The following EDAR variants were observed in gnomAD, a reference collection of about 807,000 sequenced individuals.
The protein encoded by EDAR is ectodysplasin A receptor.
Under a neutral mutation model 51.3 loss-of-function variants are expected in EDAR, and 38 were observed. The ratio of observed to expected loss-of-function variants is 0.74; its 90% confidence interval spans 0.57 to 0.97. The LOEUF (loss-of-function observed/expected upper bound fraction) is 0.97, where lower values mean the gene tolerates loss of function less well. Among genes scored for constraint, EDAR ranks in the 50% least tolerant of loss-of-function variants. The pLI, the probability that EDAR is intolerant of heterozygous loss-of-function variation, is 0.00. For missense variants in EDAR, 528 were observed against 595.0 expected (o/e 0.89, Z 1.17); for synonymous variants, 227 against 242.1 (o/e 0.94, Z 0.58).
chr2:108,909,320 C>T (rs537743840), intron 9 of EDAR, among the ~76,000 whole-genome samples: 1 of 152,092 alleles, frequency 6.6e-6, no homozygotes, highest in Admixed American at 6.5e-5. Context: ...TCTAGGGAGG[C>T]CCTATTTAAG....
chr2:108,909,814 TCTC>T (rs1696883056), intron 9 of EDAR, among the ~76,000 whole-genome samples: 1 of 152,200 alleles, frequency 6.6e-6, no homozygotes, highest in Non-Finnish European at 1.5e-5. Flanking sequence ...ACCTGCCAAA[TCTC>T]CTCCTCCAGA....
intron 1 of EDAR, among the ~76,000 whole-genome samples, chr2:108,971,768 T>C (rs1698238166): frequency 6.6e-6 from 1 of 152,214 alleles, no homozygotes; most frequent in African/African-American, 2.4e-5. Flanking sequence ...AACTCTTTGA[T>C]ACCACCTTCA....
chr2:108,929,440 G>C (rs1426813025), intron 3 of EDAR, 61 bp from the exon 4 acceptor site: 1 of 1,553,968 alleles, frequency 6.4e-7, no homozygotes, highest in East Asian at 2.2e-5. Flanking sequence ...ATACGGACTC[G>C]GCCCACAGTC....
At chr2:108,965,903 A>T (rs1337447448) in intron 1 of EDAR, among the ~76,000 whole-genome samples, 1 of 151,868 alleles carries the variant, frequency 6.6e-6, no homozygotes, top group African/African-American at 2.4e-5. Context: ...GCAAAGAAAT[A>T]TTTCCTGAAA....
intron 1 of EDAR, among the ~76,000 whole-genome samples, chr2:108,945,023 G>T (rs1467772445): frequency 6.6e-6 from 1 of 152,148 alleles, no homozygotes; most frequent in Non-Finnish European, 1.5e-5. Flanking sequence ...ATTTGAAAAA[G>T]TTGCCCCCTG....
In EDAR at chr2:108,974,602, T is replaced by C. The variant is rs1373320953; in HGVS notation, c.-19+14358A>G. Among the ~76,000 whole-genome samples the C allele has an allele frequency of 3.6e-4, 54 of 150,880 alleles. 1 individual carries two copies. The highest frequency in any genetic ancestry group is 6.3e-4 in the Non-Finnish European group (43 of 67,740). ...AAAATTAGCTGGGCATGGTGGTGTGTGCCTGTAATCCCAGCTACTTGGGAG... is the reference window on the plus strand; with the variant it reads ...AAAATTAGCTGGGCATGGTGGTGTGCGCCTGTAATCCCAGCTACTTGGGAG... On this transcript the variant is annotated intron_variant, in intron 1 of 11. Transcript: ENST00000258443.
chr2:108,981,199 G>A (rs895028731), intron 1 of EDAR, among the ~76,000 whole-genome samples: 35 of 152,168 alleles, frequency 2.3e-4, no homozygotes, highest in African/African-American at 7.2e-4. Context: ...ATGATCTGAC[G>A]TTCCACCACC....
chr2:108,938,684 T>A (rs1392478568), intron 1 of EDAR, among the ~76,000 whole-genome samples: 1 of 152,200 alleles, frequency 6.6e-6, no homozygotes, highest in East Asian at 1.9e-4. Context: ...CTTTTTTGCC[T>A]TATCAAAATT....
At chr2:108,938,803 C>A in intron 1 of EDAR, among the ~76,000 whole-genome samples, 2 of 148,738 alleles carry the variant, frequency 1.3e-5, no homozygotes, top group Non-Finnish European at 3.0e-5. Context: ...CCGCCCCACC[C>A]CCCAGAGTCT....
intron 9 of EDAR, 48 bp downstream of exon 9, chr2:108,910,412 G>T: frequency 6.7e-7 from 1 of 1,494,794 alleles, no homozygotes; most frequent in Non-Finnish European, 9.3e-7. Flanking sequence ...CCCTGCTCAG[G>T]ATCCACAGGA....
chr2:108,983,554 A>G (rs1371955014), intron 1 of EDAR, among the ~76,000 whole-genome samples: 2 of 152,064 alleles, frequency 1.3e-5, no homozygotes, highest in African/African-American at 4.8e-5. Flanking sequence ...CAAGTCAACA[A>G]TCCCGCCCTT....
intron 1 of EDAR, among the ~76,000 whole-genome samples, chr2:108,965,575 G>A (rs1000010939): frequency 1.2e-4 from 18 of 152,158 alleles, no homozygotes; most frequent in African/African-American, 4.3e-4. Context: ...TACCCCATCA[G>A]GATTTTCTCC....
chr2:108,931,470 C>T (rs1697365145), intron 1 of EDAR, among the ~76,000 whole-genome samples: 1 of 152,210 alleles, frequency 6.6e-6, no homozygotes. Flanking sequence ...TGGATGCTCT[C>T]CCAGCCCCAG....
intron 3 of EDAR, among the ~76,000 whole-genome samples, chr2:108,929,720 G>A (rs1697329333): frequency 6.6e-6 from 1 of 152,180 alleles, no homozygotes; most frequent in Non-Finnish European, 1.5e-5. Flanking sequence ...AAACCCCGGA[G>A]GTTTCCCTTA....
At position 108,912,710 on chromosome 2, in the gene EDAR, C is replaced by T. The variant is rs763761400; in HGVS notation, c.497G>A (p.Ser166Asn). Residue 166 changes from serine (S) to asparagine (N), a missense_variant, in exon 6 of 12, where the codon AGC becomes AAC. By Grantham distance (46) the Ser-to-Asn change is conservative. Coordinates refer to ENST00000258443, the MANE Select transcript of EDAR (RefSeq NM_022336.4). ...GGCGTGCTGGAAGGGAGACAGGGTG[C>T]TGCTGCCCGAGGTGCCAGGGAAGTT... ...SANFPGTSGSSTLSPFQHAHK... is the reference protein window; with the variant it reads ...SANFPGTSGSNTLSPFQHAHK... The T allele has an allele frequency of 1.2e-6, 2 of 1,601,600 alleles. No homozygotes were observed. Among genetic ancestry groups the T allele is most frequent in the Admixed American group, 1.7e-5 (1 of 58,544 alleles).
chr2:108,966,691 T>C (rs1698155980), intron 1 of EDAR, among the ~76,000 whole-genome samples: 1 of 152,214 alleles, frequency 6.6e-6, no homozygotes, highest in Non-Finnish European at 1.5e-5. Flanking sequence ...GAGCTTCAGC[T>C]GTGTTGGCTC....
intron 1 of EDAR, among the ~76,000 whole-genome samples, chr2:108,942,623 G>A (rs1190698072): frequency 3.3e-5 from 5 of 152,254 alleles, no homozygotes; most frequent in African/African-American, 1.2e-4. Context: ...TGAGGCGGGC[G>A]GTTCCGCCAC....
intron 5 of EDAR, among the ~76,000 whole-genome samples, chr2:108,913,590 A>T: frequency 6.6e-6 from 1 of 152,128 alleles, no homozygotes; most frequent in Non-Finnish European, 1.5e-5. Context: ...GTTCAGCATC[A>T]GTTTGAAATA....
intron 1 of EDAR, among the ~76,000 whole-genome samples, chr2:108,932,140 C>G (rs1301557267): frequency 6.6e-6 from 1 of 152,186 alleles, no homozygotes; most frequent in East Asian, 1.9e-4. Flanking sequence ...CAGGAACCTT[C>G]CCTCCCTTCC....
Sources: allele counts gnomAD v4.1 joint callset (sites outside exome capture counted in the v4.1 genomes callset), GRCh38; gene constraint gnomAD v4.1.1; transcripts MANE v1.5; gene names NCBI Gene and HGNC (gene_info 2026-07-23, HGNC 2026-07-21).